Variants in OPCML observed in about 807,000 individuals in gnomAD.
OPCML encodes opioid binding protein/cell adhesion molecule like.
OPCML carries 13 observed loss-of-function variants against 37.8 expected under a neutral mutation model. The observed-to-expected ratio is 0.34, with a 90% CI of 0.22 to 0.55. OPCML has a LOEUF of 0.55. OPCML is among the 20% of genes least tolerant of loss of function. The pLI is 0.91. For synonymous variants in OPCML, 176 were observed against 168.8 expected (o/e 1.04, Z -0.33); for missense variants, 341 against 435.6 (o/e 0.78, Z 1.93).
chr11:132,764,944 G>A (rs1274693521), intron 2 of OPCML, among the ~76,000 whole-genome samples: 1 of 152,252 alleles, frequency 6.6e-6, no homozygotes, highest in Non-Finnish European at 1.5e-5. Context: ...AGCTCAGGCA[G>A]AGCCTCACGC....
chr11:132,608,608 T>TA (rs148341815), intron 3 of OPCML, among the ~76,000 whole-genome samples: 3,997 of 152,134 alleles, frequency 0.026, 116 homozygotes, highest in East Asian at 0.055. Flanking sequence ...AGAGAATTAA[T>TA]AAAAAATGAT....
intron 2 of OPCML, among the ~76,000 whole-genome samples, chr11:132,832,611 T>A (rs1940760355): frequency 6.6e-6 from 1 of 152,248 alleles, no homozygotes; most frequent in African/African-American, 2.4e-5. Flanking sequence ...AAATGATTCA[T>A]ACATATGCCT....
intron 2 of OPCML, among the ~76,000 whole-genome samples, chr11:132,832,285 C>T (rs12805473): frequency 0.073 from 10,384 of 143,222 alleles, 406 homozygotes; most frequent in Non-Finnish European, 0.082. Context: ...ACTTACAGAA[C>T]GAACAGTCCA....
At chr11:132,435,292 G>A in intron 7 of OPCML, 1 of 1,274,620 alleles carries the variant, frequency 7.8e-7, no homozygotes. Flanking sequence ...TGTCAGTGCT[G>A]AAAGCTTGTG....
At chr11:133,125,974 GTATA>G (rs1446030955) in intron 1 of OPCML, among the ~76,000 whole-genome samples, 1 of 146,118 alleles carries the variant, frequency 6.8e-6, no homozygotes, top group East Asian at 2.0e-4. Flanking sequence ...ATATATACAT[GTATA>G]TATAGACACA....
chr11:132,468,985 T>C (rs1179279816), intron 4 of OPCML, among the ~76,000 whole-genome samples: 1 of 152,220 alleles, frequency 6.6e-6, no homozygotes, highest in African/African-American at 2.4e-5. Flanking sequence ...TCTTGCCTTC[T>C]GTATGTTATT....
chr11:132,593,613 G>T (rs975717634), intron 3 of OPCML, among the ~76,000 whole-genome samples: 1 of 152,144 alleles, frequency 6.6e-6, no homozygotes, highest in Non-Finnish European at 1.5e-5. Context: ...GATCAGGGGA[G>T]AGATCACTGA....
intron 1 of OPCML, among the ~76,000 whole-genome samples, chr11:133,394,379 C>T (rs780739750): frequency 9.2e-5 from 14 of 152,136 alleles, no homozygotes; most frequent in Non-Finnish European, 1.5e-4. Context: ...TATCCATTCC[C>T]TCAAGCATTT....
intron 1 of OPCML, among the ~76,000 whole-genome samples, chr11:133,472,124 AAC>A (rs2137008154): frequency 6.6e-6 from 1 of 152,280 alleles, no homozygotes; most frequent in African/African-American, 2.4e-5. Flanking sequence ...GAACCCTTTT[AAC>A]ACACTGTCTT....
At chr11:132,794,656 G>A (rs369108117) in intron 2 of OPCML, among the ~76,000 whole-genome samples, 1 of 151,966 alleles carries the variant, frequency 6.6e-6, no homozygotes, top group Non-Finnish European at 1.5e-5. Flanking sequence ...ACACATCCAG[G>A]CTCTTCCCAG....
chr11:132,486,844 A>G (rs2096201479), intron 4 of OPCML, among the ~76,000 whole-genome samples: 2 of 152,184 alleles, frequency 1.3e-5, no homozygotes, highest in Non-Finnish European at 2.9e-5. Context: ...AGCCTGTGAA[A>G]CAAACATATT....
chr11:132,591,454 T>A (rs1251041288), intron 3 of OPCML, among the ~76,000 whole-genome samples: 1 of 152,210 alleles, frequency 6.6e-6, no homozygotes, highest in African/African-American at 2.4e-5. Flanking sequence ...GACCTTTCCA[T>A]CAATTTCCTT....
intron 2 of OPCML, among the ~76,000 whole-genome samples, chr11:132,774,430 T>C (rs1191640727): frequency 6.6e-6 from 1 of 152,156 alleles, no homozygotes; most frequent in Admixed American, 6.5e-5. Flanking sequence ...CCAATAAGAA[T>C]GGTCAGTGTT....
intron 1 of OPCML, among the ~76,000 whole-genome samples, chr11:133,221,437 C>A (rs1324955038): frequency 6.6e-6 from 1 of 152,234 alleles, no homozygotes; most frequent in African/African-American, 2.4e-5. Flanking sequence ...TAACGTGGAG[C>A]TAACACTAGC....
At chr11:133,274,588 C>T (rs1189622556) in intron 1 of OPCML, among the ~76,000 whole-genome samples, 1 of 152,184 alleles carries the variant, frequency 6.6e-6, no homozygotes, top group East Asian at 1.9e-4. Flanking sequence ...AAACAATCAC[C>T]TCGAAGTTCC....
intron 1 of OPCML, among the ~76,000 whole-genome samples, chr11:132,999,124 G>T (rs1265912562): frequency 2.0e-5 from 3 of 152,228 alleles, no homozygotes; most frequent in Admixed American, 1.3e-4. Context: ...TGTGGGACTA[G>T]TTCCTGCTCC....
intron 1 of OPCML, chr11:133,423,078 G>C (rs1260614236): frequency 2.0e-6 from 2 of 985,364 alleles, no homozygotes; most frequent in Non-Finnish European, 2.4e-6. Flanking sequence ...TTATGCTCTC[G>C]AACGTGTTCT....
chr11:133,148,413 T>G (rs1048221108), intron 1 of OPCML, among the ~76,000 whole-genome samples: 3 of 152,208 alleles, frequency 2.0e-5, no homozygotes, highest in African/African-American at 7.2e-5. Context: ...TGCTTCTTAC[T>G]GCGTTGGTAA....
At chr11:132,868,797 G>A (rs1413753005) in intron 2 of OPCML, among the ~76,000 whole-genome samples, 1 of 152,168 alleles carries the variant, frequency 6.6e-6, no homozygotes, top group Non-Finnish European at 1.5e-5. Flanking sequence ...TCTGCTACCT[G>A]GAGTGGATTT....
Sources: gnomAD v4.1 joint callset for allele counts (sites outside exome capture counted in the v4.1 genomes callset) on GRCh38, gnomAD v4.1.1 for gene constraint, MANE v1.5 for transcripts, NCBI Gene and HGNC (gene_info 2026-07-23, HGNC 2026-07-21) for gene names.